Variants in DACH2 observed in about 807,000 individuals in gnomAD.
The protein encoded by DACH2 is dachshund family transcription factor 2, also known as dachshund homolog 2.
DACH2 carries 17 observed loss-of-function variants against 35.8 expected under a neutral mutation model. The observed-to-expected ratio is 0.48, with a 90% confidence interval of 0.33 to 0.71. DACH2 has a LOEUF of 0.71. Ranked by LOEUF, DACH2 falls within the 30% of genes least tolerant of loss-of-function variation. The pLI is 0.02. For synonymous variants in DACH2, 195 were observed against 177.3 expected, an observed-to-expected ratio of 1.10 and a Z score of -0.79; for missense variants, 469 against 472.7, an observed-to-expected ratio of 0.99 and a Z score of 0.07.
intron 3 of DACH2, among the ~76,000 whole-genome samples, chrX:86,638,950 C>T (rs1423430155): frequency 1.8e-5 from 2 of 111,771 alleles, no homozygotes; most frequent in Non-Finnish European, 3.8e-5. Flanking sequence ...CAAAAATATA[C>T]CTACACTTAT....
rs367666801 is a variant in DACH2 at position 86,199,164 on chromosome X, C to A, written c.488+50056C>A. ...ATATAAACAGAAGTAAAGAAAAAAA[C>A]CACATGATTATTTCAATAGAAGCAG... On this transcript the variant is annotated intron_variant, in intron 1 of 11. Transcript: ENST00000373125. Among the ~76,000 whole-genome samples the A allele has an allele frequency of 1.4e-4, 16 of 110,872 alleles. No individual in the cohort carries two copies. In the South Asian group the frequency reaches 1.9e-3, roughly 13 times the overall value.
At chrX:86,514,520 T>A (rs2038441285) in intron 3 of DACH2, 129 bp downstream of exon 3, 2 of 611,497 alleles carry the variant, frequency 3.3e-6, no homozygotes. Flanking sequence ...CATTACTGAA[T>A]TTTTTTATGT....
At chrX:86,414,302 G>C (rs866808206) in intron 2 of DACH2, among the ~76,000 whole-genome samples, 2 of 97,751 alleles carry the variant, frequency 2.0e-5, no homozygotes, top group Non-Finnish European at 4.2e-5. Context: ...CTAGGAACAC[G>C]GTGATTAATT....
chrX:86,315,765 G>A (rs975038529), intron 1 of DACH2, among the ~76,000 whole-genome samples: 1 of 102,398 alleles, frequency 9.8e-6, no homozygotes, highest in African/African-American at 3.6e-5. Context: ...TTGCTCTCAC[G>A]GCCAAGGAAA....
chrX:86,359,084 C>CGTGTGTGTGTGTGTGTGT (rs1556037574), intron 1 of DACH2, among the ~76,000 whole-genome samples: 59 of 98,502 alleles, frequency 6.0e-4, no homozygotes, highest in African/African-American at 2.1e-3. Flanking sequence ...TATATTTTGT[C>CGTGTGTGTGTGTGTGTGT]GTGTGTGTGT....
At chrX:86,366,237 T>G (rs1031128510) in intron 1 of DACH2, among the ~76,000 whole-genome samples, 1 of 110,781 alleles carries the variant, frequency 9.0e-6, no homozygotes, top group Non-Finnish European at 1.9e-5. Context: ...GGTTAGGTAA[T>G]AGTTGAACAT....
chrX:86,246,702 C>T (rs1247635960), intron 1 of DACH2, among the ~76,000 whole-genome samples: 1 of 112,077 alleles, frequency 8.9e-6, no homozygotes, highest in Non-Finnish European at 1.9e-5. Context: ...TTACCAGCCA[C>T]CACGAAAACA....
intron 3 of DACH2, among the ~76,000 whole-genome samples, chrX:86,604,078 C>G (rs754766161): frequency 5.4e-5 from 6 of 110,845 alleles, no homozygotes. Context: ...TAAAGAAAGA[C>G]AATGTGTTCT....
intron 3 of DACH2, among the ~76,000 whole-genome samples, chrX:86,570,685 G>A (rs769150332): frequency 1.8e-5 from 2 of 109,656 alleles, no homozygotes; most frequent in South Asian, 4.0e-4. Flanking sequence ...CATGGCACAC[G>A]TTTACCTATG....
At position 86,414,597 on chromosome X, in the gene DACH2, A is replaced by G. The variant is rs550755263; in HGVS notation, c.527+37735A>G. ...TTCACAAGGCATTGGTCAAGGGTAT[A>G]TCTTTTTGACCCTCCCAGCTGGAAT... On this transcript the variant is annotated intron_variant, in intron 2 of 11. Transcript: ENST00000373125. Among the ~76,000 whole-genome samples, 21 of 111,291 alleles carry G rather than the reference A, an allele frequency of 1.9e-4. No homozygotes were observed. The South Asian group carries it at 6.9e-3, about 37-fold the overall frequency.
intron 3 of DACH2, among the ~76,000 whole-genome samples, chrX:86,523,559 A>C (rs1235282436): frequency 9.0e-6 from 1 of 111,726 alleles, no homozygotes. Flanking sequence ...TTATTACTCA[A>C]ATCAATCTCT....
At chrX:86,531,153 T>G (rs866652123) in intron 3 of DACH2, among the ~76,000 whole-genome samples, 4 of 112,048 alleles carry the variant, frequency 3.6e-5, no homozygotes, top group Middle Eastern at 4.6e-3. Context: ...AATTTGTGAT[T>G]AAAAGCGAAG....
chrX:86,217,803 G>A, intron 1 of DACH2, among the ~76,000 whole-genome samples: 1 of 112,089 alleles, frequency 8.9e-6, no homozygotes, highest in Non-Finnish European at 1.9e-5. Flanking sequence ...AAATCAGGTA[G>A]ATGATGACAG....
chrX:86,443,193 G>A (rs190381529), intron 2 of DACH2, among the ~76,000 whole-genome samples: 2 of 111,256 alleles, frequency 1.8e-5, no homozygotes, highest in East Asian at 2.8e-4. Context: ...ATCCATAATC[G>A]CAGAATATTC....
At chrX:86,337,378 C>A (rs1199155713) in intron 1 of DACH2, among the ~76,000 whole-genome samples, 1 of 112,396 alleles carries the variant, frequency 8.9e-6, no homozygotes. Flanking sequence ...CAGCTGATCT[C>A]TCTGCAGAAA....
At chrX:86,413,058 C>T (rs1437077039) in intron 2 of DACH2, among the ~76,000 whole-genome samples, 2 of 111,441 alleles carry the variant, frequency 1.8e-5, no homozygotes, top group African/African-American at 3.3e-5. Context: ...TCTCGACAGG[C>T]CCCATACCCC....
intron 3 of DACH2, among the ~76,000 whole-genome samples, chrX:86,581,398 T>C (rs1195468484): frequency 9.8e-6 from 1 of 101,613 alleles, no homozygotes; most frequent in Non-Finnish European, 1.9e-5. Flanking sequence ...GTATGTGGGC[T>C]AAATGCTCCA....
At chrX:86,226,697 C>G (rs1367436607) in intron 1 of DACH2, among the ~76,000 whole-genome samples, 1 of 111,488 alleles carries the variant, frequency 9.0e-6, no homozygotes, top group African/African-American at 3.2e-5. Context: ...ATTTCTTTCT[C>G]CTGGTGTTAT....
chrX:86,610,299 GTTTCTTTC>G (rs762415727), intron 3 of DACH2, among the ~76,000 whole-genome samples: 5 of 110,381 alleles, frequency 4.5e-5, no homozygotes, highest in Admixed American at 3.8e-4. Flanking sequence ...AGACCCAAAG[GTTTCTTTC>G]TTTCTTTCTT....
Sources: gnomAD v4.1 joint callset for allele counts (sites outside exome capture counted in the v4.1 genomes callset) on GRCh38, gnomAD v4.1.1 for gene constraint, MANE v1.5 for transcripts, NCBI Gene and HGNC (gene_info 2026-07-23, HGNC 2026-07-21) for gene names.